Variants in PTPRN2 observed in about 807,000 individuals in gnomAD.
The protein encoded by PTPRN2 is protein tyrosine phosphatase receptor type N2, also known as receptor-type tyrosine-protein phosphatase N2.
PTPRN2 carries 74 observed loss-of-function variants against 118.8 expected under a neutral mutation model. That is an observed-to-expected ratio of 0.62 (90% CI 0.52 to 0.76). The LOEUF (loss-of-function observed/expected upper bound fraction) is 0.76. Ranked by LOEUF, PTPRN2 falls within the 30% of genes least tolerant of loss-of-function variation. PTPRN2 has a pLI of 0.00. For missense variants in PTPRN2, 1,481 were observed against 1,394.4 expected, an observed-to-expected ratio of 1.06 and a Z score of -0.99; for synonymous variants, 641 against 608.0, an observed-to-expected ratio of 1.05 and a Z score of -0.80.
chr7:157,655,671 G>A (rs950265850), intron 14 of PTPRN2, among the ~76,000 whole-genome samples: 1 of 152,110 alleles, frequency 6.6e-6, no homozygotes, highest in Non-Finnish European at 1.5e-5. Context: ...AGCCAGGCAC[G>A]GTCACCCACC....
chr7:158,465,905 G>A (rs746436336), intron 2 of PTPRN2, among the ~76,000 whole-genome samples: 4 of 152,202 alleles, frequency 2.6e-5, no homozygotes, highest in Admixed American at 1.3e-4. Context: ...GGGACCCGCA[G>A]TCACACGTGC....
intron 2 of PTPRN2, among the ~76,000 whole-genome samples, chr7:158,363,060 C>T (rs1809126417): frequency 6.6e-6 from 1 of 152,128 alleles, no homozygotes; most frequent in African/African-American, 2.4e-5. Context: ...ATGCACCGCG[C>T]GTCATGAGCC....
chr7:157,965,975 T>C lies in PTPRN2; in HGVS notation c.1724-67238A>G, dbSNP rs1450974377. Among the ~76,000 whole-genome samples the C allele has an allele frequency of 3.9e-5, 6 of 152,274 alleles. No homozygotes were observed. In the South Asian group the frequency reaches 6.2e-4, roughly 16 times the overall value. ...ACCGTGGAATCAGCTTCCCAAAGCA[T>C]GCATGGGGCACTGGAATCCCAGTTT... On this transcript the variant is annotated intron_variant, in intron 11 of 22. Coordinates refer to ENST00000389418, the MANE Select transcript of PTPRN2 (RefSeq NM_002847.5).
At chr7:158,473,459 C>T (rs1398590425) in intron 2 of PTPRN2, among the ~76,000 whole-genome samples, 1 of 152,206 alleles carries the variant, frequency 6.6e-6, no homozygotes, top group African/African-American at 2.4e-5. Context: ...TCTGCTGTGT[C>T]TGTGCACCCT....
intron 2 of PTPRN2, among the ~76,000 whole-genome samples, chr7:158,406,864 G>A (rs1331699693): frequency 2.0e-5 from 3 of 152,186 alleles, no homozygotes; most frequent in African/African-American, 7.2e-5. Context: ...AGAGCTCCAG[G>A]ATCACAGCAG....
intron 2 of PTPRN2, among the ~76,000 whole-genome samples, chr7:158,340,118 G>T (rs1261631351): frequency 6.7e-5 from 5 of 74,148 alleles, no homozygotes; most frequent in East Asian, 4.3e-4. Context: ...CGCACCATAA[G>T]AGGTGACACC....
intron 3 of PTPRN2, among the ~76,000 whole-genome samples, chr7:158,310,671 G>C (rs1586200932): frequency 1.3e-5 from 2 of 151,974 alleles, no homozygotes; most frequent in South Asian, 2.1e-4. Context: ...GGCGAGCCCT[G>C]AGCCGGACAG....
intron 6 of PTPRN2, among the ~76,000 whole-genome samples, chr7:158,159,798 C>T (rs1822196708): frequency 6.6e-6 from 1 of 152,144 alleles, no homozygotes; most frequent in African/African-American, 2.4e-5. Context: ...AAAAAAACTA[C>T]AGCACTGATG....
intron 2 of PTPRN2, among the ~76,000 whole-genome samples, chr7:158,337,453 A>C (rs1391578170): frequency 1.4e-5 from 2 of 143,076 alleles, no homozygotes; most frequent in African/African-American, 5.4e-5. Flanking sequence ...CACAGACGTC[A>C]CTCAAACCCA....
chr7:158,440,878 G>A (rs1305630641), intron 2 of PTPRN2, among the ~76,000 whole-genome samples: 17 of 128,840 alleles, frequency 1.3e-4, no homozygotes, highest in Admixed American at 6.1e-4. Flanking sequence ...GGTATTGGTG[G>A]TGGTGGTGAA....
At chr7:157,907,780 C>T (rs937644118) in intron 11 of PTPRN2, among the ~76,000 whole-genome samples, 1 of 152,108 alleles carries the variant, frequency 6.6e-6, no homozygotes, top group Non-Finnish European at 1.5e-5. Flanking sequence ...TCTTTTCCAC[C>T]CTCTTCTGCC....
chr7:158,090,484 C>A (rs1814027660), intron 10 of PTPRN2, among the ~76,000 whole-genome samples: 1 of 152,226 alleles, frequency 6.6e-6, no homozygotes, highest in South Asian at 2.1e-4. Context: ...ATAGTTACCT[C>A]TATTTTAAAT....
At chr7:157,843,114 C>T (rs1004296479) in intron 12 of PTPRN2, among the ~76,000 whole-genome samples, 1 of 152,114 alleles carries the variant, frequency 6.6e-6, no homozygotes, top group Admixed American at 6.5e-5. Flanking sequence ...AAGTCCACAC[C>T]AATACTTTAC....
At chr7:158,409,611 A>C in intron 2 of PTPRN2, among the ~76,000 whole-genome samples, 1 of 152,212 alleles carries the variant, frequency 6.6e-6, no homozygotes, top group East Asian at 1.9e-4. Flanking sequence ...GAAGCATCCA[A>C]GCCCCTCCTC....
intron 9 of PTPRN2, among the ~76,000 whole-genome samples, chr7:158,119,174 C>T (rs1370631994): frequency 6.6e-6 from 1 of 151,978 alleles, no homozygotes; most frequent in East Asian, 1.9e-4. Context: ...AACTCAACAA[C>T]AAAAATACAA....
intron 6 of PTPRN2, among the ~76,000 whole-genome samples, chr7:158,149,359 A>G (rs546287252): frequency 1.8e-4 from 27 of 152,322 alleles, no homozygotes; most frequent in African/African-American, 6.3e-4. Context: ...CTACATTGAC[A>G]TAAACTTAAA....
At chr7:158,211,251 C>T (rs777054503) in intron 3 of PTPRN2, among the ~76,000 whole-genome samples, 1 of 152,198 alleles carries the variant, frequency 6.6e-6, no homozygotes, top group Non-Finnish European at 1.5e-5. Flanking sequence ...CTCCCTAGTA[C>T]ACTGGATAGT....
At chr7:158,197,312 T>C (rs1826283576) in intron 4 of PTPRN2, among the ~76,000 whole-genome samples, 1 of 152,212 alleles carries the variant, frequency 6.6e-6, no homozygotes, top group Non-Finnish European at 1.5e-5. Flanking sequence ...ATATGGGTCT[T>C]TAGTGTGATT....
At chr7:158,404,776 C>A (rs113235822) in intron 2 of PTPRN2, among the ~76,000 whole-genome samples, 1 of 144,884 alleles carries the variant, frequency 6.9e-6, no homozygotes, top group Non-Finnish European at 1.5e-5. Context: ...CTCCCCGGCC[C>A]CCAGCTCTCC....
Sources: gnomAD v4.1 joint callset for allele counts (sites outside exome capture counted in the v4.1 genomes callset) on GRCh38, gnomAD v4.1.1 for gene constraint, MANE v1.5 for transcripts, NCBI Gene and HGNC (gene_info 2026-07-23, HGNC 2026-07-21) for gene names.